The following ANGPTL3 variants were observed in gnomAD, a reference collection of about 807,000 sequenced individuals.
ANGPTL3 encodes angiopoietin-related protein 3.
ANGPTL3 carries 51 observed loss-of-function variants against 52.7 expected under a neutral mutation model. That is an observed-to-expected ratio of 0.97 (90% CI 0.77 to 1.22). The LOEUF is 1.22. ANGPTL3 is among the 50% of genes most tolerant of loss of function. The probability of loss-of-function intolerance (pLI) is 0.00; values close to 1 mark genes in which losing one functional copy is unlikely to be tolerated. For missense variants in ANGPTL3, 506 were observed against 520.7 expected (o/e 0.97, Z 0.27); for synonymous variants, 185 against 179.8 (o/e 1.03, Z -0.23).
intron 5 of ANGPTL3, among the ~76,000 whole-genome samples, chr1:62,603,764 A>G (rs973435862): frequency 1.3e-5 from 2 of 151,876 alleles, no homozygotes; most frequent in African/African-American, 4.8e-5. Context: ...ACTTTCAGTT[A>G]TATTAATATT....
At chr1:62,599,069 T>C (rs939910533) in intron 2 of ANGPTL3, among the ~76,000 whole-genome samples, 1 of 152,060 alleles carries the variant, frequency 6.6e-6, no homozygotes, top group Non-Finnish European at 1.5e-5. Flanking sequence ...ACAGAACTTA[T>C]AGGATTATTG....
chr1:62,603,824 G>T (rs1460144563), intron 5 of ANGPTL3, 145 bp from the exon 6 acceptor site: 1 of 718,832 alleles, frequency 1.4e-6, no homozygotes, highest in Non-Finnish European at 2.3e-6. Context: ...GTTTTAAAAG[G>T]TATTATTTTA....
intron 4 of ANGPTL3, 62 bp from the exon 5 acceptor site, chr1:62,602,223 T>C: frequency 7.7e-7 from 1 of 1,303,676 alleles, no homozygotes; most frequent in Non-Finnish European, 1.1e-6. Context: ...AACAAAAAAG[T>C]GTTATTTACA....
intron 6 of ANGPTL3, 194 bp from the exon 7 acceptor site, chr1:62,604,439 A>AT: frequency 1.1e-6 from 1 of 890,620 alleles, no homozygotes; most frequent in South Asian, 1.8e-5. Context: ...CAGATTTTCT[A>AT]TTTTTTGGTA....
At chr1:62,598,458 G>A (rs1386469770) in intron 1 of ANGPTL3, among the ~76,000 whole-genome samples, 1 of 151,736 alleles carries the variant, frequency 6.6e-6, no homozygotes, top group African/African-American at 2.4e-5. Context: ...AAATATGCTG[G>A]GCTTTTTCTT....
At chr1:62,599,441 C>CA (rs893853446) in intron 2 of ANGPTL3, among the ~76,000 whole-genome samples, 1 of 151,890 alleles carries the variant, frequency 6.6e-6, no homozygotes, top group Non-Finnish European at 1.5e-5. Context: ...GTCACTTAAC[C>CA]AAAAATCACA....
intron 1 of ANGPTL3, 44 bp from the exon 2 acceptor site, chr1:62,598,652 G>A: frequency 9.6e-7 from 1 of 1,046,404 alleles, no homozygotes; most frequent in Non-Finnish European, 1.5e-6. Context: ...TAATAGAAAA[G>A]AAAGAGGAAA....
In ANGPTL3 at chr1:62,604,922, GATTT is replaced by G; in HGVS notation, c.*106_*109del. On this transcript the variant is annotated 3_prime_UTR_variant, in exon 7 of 7. Transcript: ENST00000371129. ...TCCTTAAGAGAAAGCTTGAGAAATA[GATTT>G]TTTTTATCTTAAAGTCACTGTCTAT... The G allele has an allele frequency of 8.2e-7, 1 of 1,224,994 alleles. No homozygotes were observed. The highest frequency in any genetic ancestry group is 2.7e-4 in the Middle Eastern group (1 of 3,648). The allele number at this position is 1,224,994 out of a possible 1,614,324, so 75.9% of individuals were successfully genotyped here. A position where few individuals can be genotyped will look rare whatever the true frequency, so the allele number is the denominator to read the frequency against.
rs376210525 is a variant in ANGPTL3, at chr1:62,604,684, A to G, written c.1250A>G (p.Tyr417Cys). The G allele has an allele frequency of 1.7e-5, 27 of 1,613,188 alleles. No homozygotes were observed. Among genetic ancestry groups the G allele is most frequent in the African/African-American group, 1.3e-4 (10 of 74,890 alleles). Reference sequence around the variant, plus strand: ...GGAGAAAACAACCTAAATGGTAAATATAACAAACCAAGAGCAAAATCTAAG... The same window carrying G: ...GGAGAAAACAACCTAAATGGTAAATGTAACAAACCAAGAGCAAAATCTAAG... ...ECGENNLNGK[Y>C]NKPRAKSKPE... The change falls in exon 7 of 7, where the codon TAT becomes TGT. Residue 417 changes from tyrosine to cysteine, a missense_variant. Coordinates refer to ENST00000371129, the MANE Select transcript of ANGPTL3 (RefSeq NM_014495.4).
rs1378758042 is a variant in ANGPTL3, at chr1:62,603,955, ACTTTT to A, written c.932-7_932-3del. On this transcript the variant is annotated splice_polypyrimidine_tract_variant and intron_variant, in intron 5 of 6. Coordinates refer to ENST00000371129, the MANE Select transcript of ANGPTL3 (RefSeq NM_014495.4). ...ACTTAATAACTCACAGATTTTTAAA[ACTTTT>A]CTTTTCAGGAGAATTTTGGTTGGGC... 3.1e-6 allele frequency: 5 copies of A among 1,611,734 alleles called. No homozygotes were observed. The highest frequency in any genetic ancestry group is 2.2e-5 in the East Asian group (1 of 44,818).
chr1:62,603,862 A>G, intron 5 of ANGPTL3, 107 bp from the exon 6 acceptor site: 1 of 1,061,818 alleles, frequency 9.4e-7, no homozygotes, highest in South Asian at 1.4e-5. Flanking sequence ...CAAGGGATTC[A>G]AGACTAAACA....
chr1:62,604,809 T>TGAATCTG lies in ANGPTL3; in HGVS notation c.1375_1376insGAATCTG (p.Phe459Ter). The stretch of plus-strand genomic sequence containing the variant: ...GATCCATCCAACAGATTCAGAAAGC[T>TGAATCTG]TTGAATGAACTGAGGCAAATTTAAA... On this transcript the variant is annotated stop_gained and frameshift_variant, in exon 7 of 7. Coordinates refer to ENST00000371129, the MANE Select transcript of ANGPTL3 (RefSeq NM_014495.4). LOFTEE classifies it high-confidence loss of function. 1 of 1,612,800 alleles carries TGAATCTG rather than the reference T, an allele frequency of 6.2e-7. No individual in the cohort carries two copies. Among genetic ancestry groups the TGAATCTG allele is most frequent in the Non-Finnish European group, 8.5e-7 (1 of 1,179,140 alleles).
At chr1:62,598,870 A>C in intron 2 of ANGPTL3, 64 bp downstream of exon 2, 1 of 965,488 alleles carries the variant, frequency 1.0e-6, no homozygotes. Context: ...ACTGAATCCT[A>C]AAATTATTTA....
At chr1:62,598,937 C>T (rs1294131857) in intron 2 of ANGPTL3, 131 bp downstream of exon 2, 4 of 664,724 alleles carry the variant, frequency 6.0e-6, no homozygotes, top group East Asian at 2.8e-5. Context: ...GTTAAAATTG[C>T]AGGCTCTGAA....
At position 62,598,821 on chromosome 1, in the gene ANGPTL3, T is replaced by C; in HGVS notation, c.606+15T>C. Reference sequence around the variant, plus strand: ...TAGAAAATCAGGTAAGTCAGTATTTTAATGGTATGTCCCATCTTTCACACA... The same window carrying C: ...TAGAAAATCAGGTAAGTCAGTATTTCAATGGTATGTCCCATCTTTCACACA... On this transcript the variant is annotated intron_variant, in intron 2 of 6. Coordinates refer to ENST00000371129, the MANE Select transcript of ANGPTL3 (RefSeq NM_014495.4). 6.9e-7 allele frequency: 1 copy of C among 1,444,576 alleles called. No homozygotes were observed. The highest frequency in any genetic ancestry group is 9.7e-7 in the Non-Finnish European group (1 of 1,026,854). 89.5% of individuals were successfully genotyped at this position (1,444,576 alleles called of 1,614,324 possible).
chr1:62,604,447 G>A (rs752189550), intron 6 of ANGPTL3, 186 bp from the exon 7 acceptor site: 10 of 882,374 alleles, frequency 1.1e-5, no homozygotes, highest in African/African-American at 5.1e-5. Flanking sequence ...CTATTTTTTG[G>A]TAGTGTATAG....
chr1:62,605,880 A>C lies in ANGPTL3; in HGVS notation c.*1063A>C, dbSNP rs1412386050. ...AAAGATTAGATACAAATTTTTTACC[A>C]CAGTATCACTTGTCAGAATTTATTT... On this transcript the variant is annotated 3_prime_UTR_variant, in exon 7 of 7. Transcript: ENST00000371129. 1 of 152,042 alleles carries C rather than the reference A, an allele frequency of 6.6e-6. No individual in the cohort carries two copies. The highest frequency in any genetic ancestry group is 1.5e-5 in the Non-Finnish European group (1 of 67,936). The allele number at this position is 152,042 out of a possible 1,614,324, so 9.4% of individuals were successfully genotyped here.
rs767910330 is a variant in ANGPTL3, at chr1:62,604,185, C to G, written c.1148C>G (p.Thr383Ser). The G allele has an allele frequency of 1.9e-6, 3 of 1,613,218 alleles. No homozygotes were observed. The highest frequency in any genetic ancestry group is 1.7e-5 in the Admixed American group (1 of 59,924). The stretch of plus-strand genomic sequence containing the variant: ...GAAAACAAAGATTTGGTGTTTTCTA[C>G]TTGGGATCACAAAGCAAAAGGACAC... ...IPENKDLVFS[T>S]WDHKAKGHFN... Residue 383 changes from threonine (T) to serine (S), a missense_variant, in exon 6 of 7, where the codon ACT becomes AGT. Physicochemically the swap from Thr to Ser is moderately conservative, Grantham distance 58. Coordinates refer to ENST00000371129, the MANE Select transcript of ANGPTL3 (RefSeq NM_014495.4).
Position 62,602,331 on chromosome 1 carries a change from C to T in ANGPTL3, c.882C>T (p.Asn294=), listed in dbSNP as rs1650264348. Residue 294 remains asparagine (N), a synonymous_variant, in exon 5 of 7, where the codon AAC becomes AAT. Coordinates refer to ENST00000371129, the MANE Select transcript of ANGPTL3 (RefSeq NM_014495.4). ...AACATCGAATAGATGGATCACAAAA[C>T]TTCAATGAAACGTGGGAGAACTACA... is the stretch of plus-strand genomic sequence containing the variant. ...LIQHRIDGSQ[N]FNETWENYKY... 1.2e-6 allele frequency: 2 copies of T among 1,610,904 alleles called. No individual in the cohort carries two copies. The highest frequency in any genetic ancestry group is 1.7e-6 in the Non-Finnish European group (2 of 1,177,738).
Sources: allele counts gnomAD v4.1 joint callset (sites outside exome capture counted in the v4.1 genomes callset), GRCh38; gene constraint gnomAD v4.1.1; transcripts MANE v1.5; gene names NCBI Gene and HGNC (gene_info 2026-07-23, HGNC 2026-07-21).